Variants in TAFA1 observed in about 807,000 individuals in gnomAD.
The protein encoded by TAFA1 is TAFA chemokine like family member 1, also known as chemokine-like protein TAFA-1.
Under a neutral mutation model 18.5 loss-of-function variants are expected in TAFA1, and 4 were observed. That is an observed-to-expected ratio of 0.22 (90% CI 0.11 to 0.49). TAFA1 has a LOEUF of 0.49. TAFA1 is among the 20% of genes least tolerant of loss of function. The pLI is 0.98. For missense variants in TAFA1, 147 were observed against 169.0 expected (o/e 0.87, Z 0.72); for synonymous variants, 56 against 55.2 (o/e 1.01, Z -0.06).
chr3:68,163,513 G>T (rs1488230136), intron 2 of TAFA1, among the ~76,000 whole-genome samples: 3 of 152,124 alleles, frequency 2.0e-5, no homozygotes, highest in African/African-American at 7.2e-5. Flanking sequence ...TTCAACCTTC[G>T]ATTTCATTGA....
chr3:68,406,649 C>A (rs187920916), intron 2 of TAFA1, among the ~76,000 whole-genome samples: 130 of 152,286 alleles, frequency 8.5e-4, no homozygotes, highest in Non-Finnish European at 1.3e-3. Context: ...ATCAAGCAAG[C>A]AAATTTGAGG....
At chr3:68,340,465 C>T (rs2069060772) in intron 2 of TAFA1, among the ~76,000 whole-genome samples, 1 of 152,174 alleles carries the variant, frequency 6.6e-6, no homozygotes, top group African/African-American at 2.4e-5. Flanking sequence ...TAGAAATAGT[C>T]TCTCCTTTGC....
At chr3:68,286,567 GA>G (rs2068012683) in intron 2 of TAFA1, among the ~76,000 whole-genome samples, 1 of 152,262 alleles carries the variant, frequency 6.6e-6, no homozygotes, top group African/African-American at 2.4e-5. Flanking sequence ...GATTAATAAG[GA>G]AGAATTGAGA....
intron 2 of TAFA1, among the ~76,000 whole-genome samples, chr3:68,073,510 A>G (rs912277749): frequency 6.6e-6 from 1 of 152,210 alleles, no homozygotes; most frequent in East Asian, 1.9e-4. Flanking sequence ...AAGAATAAAT[A>G]TAGCACTATG....
intron 2 of TAFA1, among the ~76,000 whole-genome samples, chr3:68,333,689 G>A (rs1430482889): frequency 6.6e-6 from 1 of 152,008 alleles, no homozygotes; most frequent in Non-Finnish European, 1.5e-5. Flanking sequence ...ATAACCAAAG[G>A]AAACGAAATC....
At chr3:68,522,386 G>A (rs1164618924) in intron 3 of TAFA1, among the ~76,000 whole-genome samples, 1 of 152,202 alleles carries the variant, frequency 6.6e-6, no homozygotes, top group Non-Finnish European at 1.5e-5. Flanking sequence ...TTCCAGTGGT[G>A]TTAGCAACAT....
At chr3:68,536,257 T>G (rs186119811) in intron 3 of TAFA1, among the ~76,000 whole-genome samples, 49 of 152,334 alleles carry the variant, frequency 3.2e-4, no homozygotes, top group Admixed American at 2.6e-3. Flanking sequence ...CATTCTGCTT[T>G]TAAGTCAGCA....
intron 2 of TAFA1, among the ~76,000 whole-genome samples, chr3:68,167,133 G>A (rs1238677660): frequency 2.0e-5 from 3 of 152,142 alleles, no homozygotes; most frequent in Non-Finnish European, 4.4e-5. Flanking sequence ...AGGTCACTTG[G>A]CTGGTTAGTG....
At chr3:68,449,675 G>C (rs2071536323) in intron 3 of TAFA1, among the ~76,000 whole-genome samples, 1 of 152,158 alleles carries the variant, frequency 6.6e-6, no homozygotes, top group Non-Finnish European at 1.5e-5. Context: ...ATTTGGAGCA[G>C]ACATGGGCTC....
At chr3:68,456,802 T>C (rs764844277) in intron 3 of TAFA1, among the ~76,000 whole-genome samples, 4 of 152,196 alleles carry the variant, frequency 2.6e-5, no homozygotes, top group Admixed American at 6.6e-5. Flanking sequence ...TTTTTTACAA[T>C]GGTCCTTAAG....
Position 68,508,236 on chromosome 3 carries a change from CT to C in TAFA1, c.260-30510del, listed in dbSNP as rs111541770. ...CAGATCAGGGCCCCACCCATATGAT[CT>C]TTTTTTTTTAACCTTAATTACTTGC... On this transcript the variant is annotated intron_variant, in intron 3 of 4. Coordinates refer to ENST00000478136, the MANE Select transcript of TAFA1 (RefSeq NM_213609.4). Among the ~76,000 whole-genome samples the C allele has an allele frequency of 1.5e-4, 23 of 149,692 alleles. No individual in the cohort carries two copies. In the South Asian group the frequency reaches 2.8e-3, roughly 18 times the overall value.
chr3:68,320,201 T>C (rs2068677147), intron 2 of TAFA1, among the ~76,000 whole-genome samples: 1 of 152,254 alleles, frequency 6.6e-6, no homozygotes. Context: ...AATAACATTT[T>C]GGCTTTCTTA....
chr3:68,170,619 C>A (rs1050000950), intron 2 of TAFA1, among the ~76,000 whole-genome samples: 3 of 152,072 alleles, frequency 2.0e-5, no homozygotes, highest in African/African-American at 4.8e-5. Context: ...ACCGAAAATG[C>A]CCCAAGCTTT....
At chr3:68,253,223 G>T (rs990696674) in intron 2 of TAFA1, among the ~76,000 whole-genome samples, 1 of 152,142 alleles carries the variant, frequency 6.6e-6, no homozygotes, top group African/African-American at 2.4e-5. Flanking sequence ...CATAGCACTC[G>T]ATAAAGGTTA....
intron 3 of TAFA1, among the ~76,000 whole-genome samples, chr3:68,470,056 G>T (rs966011605): frequency 2.0e-5 from 3 of 152,174 alleles, no homozygotes; most frequent in Admixed American, 2.0e-4. Context: ...GCCAGGTGAA[G>T]ATAATTGAAT....
At position 68,266,865 on chromosome 3, in the gene TAFA1, T is replaced by A. The variant is rs2067556521; in HGVS notation, c.119-150415T>A. 2.0e-5 allele frequency among the ~76,000 whole-genome samples: 3 copies of A among 152,174 alleles called. No individual in the cohort carries two copies. In the South Asian group the frequency reaches 6.2e-4, roughly 32 times the overall value. On this transcript the variant is annotated intron_variant, in intron 2 of 4. Coordinates refer to ENST00000478136, the MANE Select transcript of TAFA1 (RefSeq NM_213609.4). ...TGTGGTTTTAATTGGCTTGTTATCA[T>A]AATTTGAAGCTACGTGTCCTGCCTG...
In TAFA1 at chr3:68,023,326, G is replaced by A. The variant is rs114118771; in HGVS notation, c.118+16582G>A. Among the ~76,000 whole-genome samples the A allele has an allele frequency of 8.3e-3, 1,271 of 152,222 alleles. 21 individuals carry two copies. The highest frequency in any genetic ancestry group is 0.028 in the African/African-American group (1,183 of 41,542). On this transcript the variant is annotated intron_variant, in intron 2 of 4. Transcript: ENST00000478136. ...CATTGTCTTCAATCCAGAATTCAGA[G>A]CAGCATCTTTTTGAAACAGTGTTGT... is the stretch of plus-strand genomic sequence containing the variant.
chr3:68,529,079 C>A (rs1423927362), intron 3 of TAFA1, among the ~76,000 whole-genome samples: 2 of 151,494 alleles, frequency 1.3e-5, no homozygotes, highest in East Asian at 2.0e-4. Context: ...CTTGACCTAC[C>A]CCATGCCACT....
chr3:68,127,297 G>T (rs911128875), intron 2 of TAFA1, among the ~76,000 whole-genome samples: 2 of 152,280 alleles, frequency 1.3e-5, no homozygotes, highest in South Asian at 4.1e-4. Flanking sequence ...ATGTGTGAGA[G>T]AGAGAAAATG....
Sources: gnomAD v4.1 joint callset for allele counts (sites outside exome capture counted in the v4.1 genomes callset) on GRCh38, gnomAD v4.1.1 for gene constraint, MANE v1.5 for transcripts, NCBI Gene and HGNC (gene_info 2026-07-23, HGNC 2026-07-21) for gene names.